The following LHX6 variants were observed in gnomAD, a reference collection of about 807,000 sequenced individuals.
LHX6 encodes LIM/homeobox protein Lhx6.
A neutral mutation model predicts 47.1 loss-of-function variants in LHX6; 15 were observed. The observed-to-expected ratio is 0.32, with a 90% CI of 0.21 to 0.49. The LOEUF is 0.49. Ranked by LOEUF, LHX6 falls within the 20% of genes least tolerant of loss-of-function variation. The pLI is 0.99. For synonymous variants in LHX6, 242 were observed against 233.5 expected, an observed-to-expected ratio of 1.04 and a Z score of -0.33; for missense variants, 404 against 539.6, an observed-to-expected ratio of 0.75 and a Z score of 2.49.
intron 4 of LHX6, chr9:122,221,610 C>G: frequency 1.0e-6 from 1 of 985,578 alleles, no homozygotes; most frequent in Non-Finnish European, 1.2e-6. Context: ...CCTTTACTCC[C>G]CACTCCCATT....
chr9:122,218,208 A>G (rs967736642), intron 4 of LHX6, among the ~76,000 whole-genome samples: 17 of 152,076 alleles, frequency 1.1e-4, no homozygotes, highest in Non-Finnish European at 2.4e-4. Flanking sequence ...ACTCCATCCC[A>G]GAAGTCAGCC....
Position 122,204,527 on chromosome 9 carries a change from T to C in LHX6, c.*233A>G, listed in dbSNP as rs1830096108. Reference sequence around the variant, plus strand: ...GCTGTTTCCACCCTGATTCCAGATTTCAGGGAGTTCTGCCTTCCAAGAGGA... The same window carrying C: ...GCTGTTTCCACCCTGATTCCAGATTCCAGGGAGTTCTGCCTTCCAAGAGGA... On this transcript the variant is annotated 3_prime_UTR_variant, in exon 10 of 10. Transcript: ENST00000394319. 2.3e-6 allele frequency: 1 copy of C among 426,908 alleles called. No individual in the cohort carries two copies. Among genetic ancestry groups the C allele is most frequent in the East Asian group, 3.5e-5 (1 of 28,364 alleles). 26.4% of individuals were successfully genotyped at this position (426,908 alleles called of 1,614,324 possible).
intron 1 of LHX6, 24 bp downstream of exon 1, chr9:122,228,633 T>C: frequency 7.7e-7 from 1 of 1,301,586 alleles, no homozygotes. Context: ...CCCGGGCCGC[T>C]CACCCAGTCG....
Position 122,217,376 on chromosome 9 carries a change from A to T in LHX6, c.462-88T>A. ...ACCACCCAATGGCCCGCCAGCCCCCAGGCTCCTGGCCTCTAAGTCTTCAAC... is the reference window on the plus strand; with the variant it reads ...ACCACCCAATGGCCCGCCAGCCCCCTGGCTCCTGGCCTCTAAGTCTTCAAC... On this transcript the variant is annotated intron_variant, in intron 4 of 9. Coordinates refer to ENST00000394319, the MANE Select transcript of LHX6 (RefSeq NM_014368.5). The surrounding 1 kb of genome is among the most constrained non-coding windows in gnomAD (Gnocchi z 4.9). 1 of 1,103,920 alleles carries T rather than the reference A, an allele frequency of 9.1e-7. No homozygotes were observed. The highest frequency in any genetic ancestry group is 1.3e-6 in the Non-Finnish European group (1 of 770,548). The allele number at this position is 1,103,920 out of a possible 1,614,324, so 68.4% of individuals were successfully genotyped here.
In LHX6 at chr9:122,214,310, C is replaced by G. The variant is rs987573403; in HGVS notation, c.756G>C (p.Arg252=). The G allele has an allele frequency of 6.3e-7, 1 of 1,599,768 alleles. No individual in the cohort carries two copies. The highest frequency in any genetic ancestry group is 8.5e-7 in the Non-Finnish European group (1 of 1,175,594). The change falls in exon 6 of 10, where the codon CGG becomes CGC. Residue 252 remains arginine (R), a synonymous_variant. Transcript: ENST00000394319. The surrounding 1 kb of genome is among the most constrained non-coding windows in gnomAD (Gnocchi z 4.6). ...GCAGCTGTTCCGCGGTGAAGGACGTCCGCGCGCGCTTGGCCGGCTTGGGTT... is the reference window on the plus strand; with the variant it reads ...GCAGCTGTTCCGCGGTGAAGGACGTGCGCGCGCGCTTGGCCGGCTTGGGTT... ...DSQPKPAKRA[R]TSFTAEQLQV...
chr9:122,205,098 C>T (rs541917446), intron 9 of LHX6, among the ~76,000 whole-genome samples: 2 of 152,356 alleles, frequency 1.3e-5, no homozygotes, highest in African/African-American at 4.8e-5. Flanking sequence ...TCACGGAAGC[C>T]GCACCATAGC....
chr9:122,227,410 A>G lies in LHX6; in HGVS notation c.155T>C (p.Met52Thr), dbSNP rs924850315. The G allele has an allele frequency of 7.4e-7, 1 of 1,347,554 alleles. No homozygotes were observed. Among genetic ancestry groups the G allele is most frequent in the East Asian group, 4.6e-5 (1 of 21,626 alleles). The allele number at this position is 1,347,554 out of a possible 1,614,324, so 83.5% of individuals were successfully genotyped here. ...RCLEGTAPPA[M>T]AQSDAEALAG... ...GCAGGCAGGGCCAAACGGACTCACC[A>G]TGGCGGGCGGCGCGGTCCCTTCAAG... Residue 52 changes from methionine to threonine, a missense_variant and splice_region_variant, in exon 2 of 10, where the codon ATG becomes ACG. Physicochemically the swap from Met to Thr is moderately conservative, Grantham distance 81 (BLOSUM62 -1). This residue lies in a region of LHX6 where 144 missense variants were observed against 128.7 expected (regional missense o/e 1.12). Coordinates refer to ENST00000394319, the MANE Select transcript of LHX6 (RefSeq NM_014368.5).
Position 122,214,033 on chromosome 9 carries a change from C to G in LHX6, c.820G>C (p.Asp274His). The G allele has an allele frequency of 6.2e-7, 1 of 1,601,586 alleles. No individual in the cohort carries two copies. The highest frequency in any genetic ancestry group is 8.5e-7 in the Non-Finnish European group (1 of 1,179,142). Residue 274 changes from aspartate to histidine, a missense_variant, in exon 7 of 10, where the codon GAC becomes CAC. By Grantham distance (81) the Asp-to-His change is moderately conservative. This residue lies in a region of LHX6 where 23 missense variants were observed against 28.6 expected (regional missense o/e 0.80). Transcript: ENST00000394319. This position sits in a 1 kb window ranked among gnomAD's most constrained non-coding sequence, Gnocchi z 4.6. ...GCCAGCTTCTGCAGCGTCTGAGCGTCGGGGTTGTTGTCCTGCGCGAACTGC... is the reference window on the plus strand; with the variant it reads ...GCCAGCTTCTGCAGCGTCTGAGCGTGGGGGTTGTTGTCCTGCGCGAACTGC... ...QAQFAQDNNP[D>H]AQTLQKLADM...
At chr9:122,227,876 T>A (rs1831175998) in intron 1 of LHX6, 2 of 348,000 alleles carry the variant, frequency 5.7e-6, no homozygotes, top group South Asian at 8.2e-5. Flanking sequence ...ATCAGTGAGA[T>A]CCATCAGGCC....
rs1012286560 is a variant in LHX6 at position 122,214,635 on chromosome 9, T to G, written c.683-252A>C. Among the ~76,000 whole-genome samples, 2 of 152,108 alleles carry G rather than the reference T, an allele frequency of 1.3e-5. No individual in the cohort carries two copies. The highest frequency in any genetic ancestry group is 4.2e-4 in the South Asian group (2 of 4,818). The stretch of plus-strand genomic sequence containing the variant: ...CTAAGGAGAGGTGGCGTTACCTCAT[T>G]ATACATGGGAGGAAACTGAGGCTCA... On this transcript the variant is annotated intron_variant, in intron 5 of 9. Transcript: ENST00000394319. This position sits in a 1 kb window ranked among gnomAD's most constrained non-coding sequence, Gnocchi z 4.6.
chr9:122,224,964 C>T (rs1302500091), intron 4 of LHX6, among the ~76,000 whole-genome samples: 2 of 152,198 alleles, frequency 1.3e-5, no homozygotes, highest in Non-Finnish European at 2.9e-5. Flanking sequence ...GCTGCACACT[C>T]TTCTACATCC....
At position 122,214,576 on chromosome 9, in the gene LHX6, C is replaced by T. The variant is rs1459152938; in HGVS notation, c.683-193G>A. 1.2e-5 allele frequency: 4 copies of T among 323,972 alleles called. No individual in the cohort carries two copies. The highest frequency in any genetic ancestry group is 1.8e-5 in the Non-Finnish European group (4 of 225,376). The allele number at this position is 323,972 out of a possible 1,614,324, so 20.1% of individuals were successfully genotyped here. On this transcript the variant is annotated intron_variant, in intron 5 of 9. Coordinates refer to ENST00000394319, the MANE Select transcript of LHX6 (RefSeq NM_014368.5). This position sits in a 1 kb window ranked among gnomAD's most constrained non-coding sequence, Gnocchi z 4.6. ...TTCTGAGCGTCCGCTTAGTACTGGA[C>T]ACTTCTTACACGACTGGACCACGTC...
chr9:122,213,093 G>C lies in LHX6; in HGVS notation c.1054+513C>G, dbSNP rs76976529. On this transcript the variant is annotated intron_variant, in intron 8 of 9. Coordinates refer to ENST00000394319, the MANE Select transcript of LHX6 (RefSeq NM_014368.5). This position sits in a 1 kb window ranked among gnomAD's most constrained non-coding sequence, Gnocchi z 5.5. ...CTGGGCCAGGGCCTGCGTGCATTCC[G>C]TTCCCCCACTCCAGGTACCTCACTA... Among the ~76,000 whole-genome samples, 5,160 of 151,896 alleles carry C rather than the reference G, an allele frequency of 0.034. 266 individuals carry two copies. Among genetic ancestry groups the C allele is most frequent in the African/African-American group, 0.12 (4,831 of 41,388 alleles).
In LHX6 at chr9:122,214,188, G is replaced by T; in HGVS notation, c.783+95C>A. 9 of 711,574 alleles carry T rather than the reference G, an allele frequency of 1.3e-5. No individual in the cohort carries two copies. The South Asian group carries it at 1.4e-4, about 11-fold the overall frequency. 44.1% of individuals were successfully genotyped at this position (711,574 alleles called of 1,614,324 possible). On this transcript the variant is annotated intron_variant, in intron 6 of 9. Transcript: ENST00000394319. This position sits in a 1 kb window ranked among gnomAD's most constrained non-coding sequence, Gnocchi z 4.6. ...CAGCTGCGGCCCCGCCCCGCCACCC[G>T]GGTCCGGCCCGAGGGGCGGAGCCAG...
intron 4 of LHX6, among the ~76,000 whole-genome samples, chr9:122,224,888 A>G (rs979619718): frequency 6.6e-6 from 1 of 152,094 alleles, no homozygotes; most frequent in Non-Finnish European, 1.5e-5. Context: ...GACAATACAG[A>G]CACACAGGCA....
chr9:122,228,880 T>A lies in LHX6; in HGVS notation c.-140A>T. On this transcript the variant is annotated 5_prime_UTR_variant, in exon 1 of 10. Transcript: ENST00000394319. ...CGGCCCCGCCGCCCCGGGCCCGGCC[T>A]CAGCCCCCGCCCCCGGCCCGCGCGC... The A allele has an allele frequency of 1.3e-5, 5 of 373,684 alleles. No homozygotes were observed. The highest frequency in any genetic ancestry group is 1.6e-5 in the Non-Finnish European group (4 of 246,272). 23.1% of individuals were successfully genotyped at this position (373,684 alleles called of 1,614,324 possible). A position where few individuals can be genotyped will look rare whatever the true frequency, so the allele number is the denominator to read the frequency against.
rs916257259 is a variant in LHX6 at position 122,214,791 on chromosome 9, C to G, written c.683-408G>C. 2.0e-5 allele frequency among the ~76,000 whole-genome samples: 3 copies of G among 152,026 alleles called. No individual in the cohort carries two copies. The highest frequency in any genetic ancestry group is 7.2e-5 in the African/African-American group (3 of 41,382). ...AAGGCTAGAGGAGATAGGAAGCAAG[C>G]AAGTAACGGAACTATGCTCCTAATT... On this transcript the variant is annotated intron_variant, in intron 5 of 9. Coordinates refer to ENST00000394319, the MANE Select transcript of LHX6 (RefSeq NM_014368.5). This position sits in a 1 kb window ranked among gnomAD's most constrained non-coding sequence, Gnocchi z 4.6.
Position 122,217,004 on chromosome 9 carries a change from G to T in LHX6, c.682+64C>A, listed in dbSNP as rs2118868297. ...GAGGAGTGTGGGTGGTTCCTGGGGT[G>T]CTGGGGTGGGGTGGGGTGGGAAAGG... On this transcript the variant is annotated intron_variant, in intron 5 of 9. Transcript: ENST00000394319. The surrounding 1 kb of genome is among the most constrained non-coding windows in gnomAD (Gnocchi z 4.9). 2 of 1,395,914 alleles carry T rather than the reference G, an allele frequency of 1.4e-6. No individual in the cohort carries two copies. The highest frequency in any genetic ancestry group is 2.3e-5 in the East Asian group (1 of 43,130). 86.5% of individuals were successfully genotyped at this position (1,395,914 alleles called of 1,614,324 possible).
chr9:122,228,315 C>G (rs1831195245), intron 1 of LHX6: 6 of 1,534,630 alleles, frequency 3.9e-6, no homozygotes, highest in Middle Eastern at 1.7e-4. Context: ...ACCGGCCCCG[C>G]GTCGGGATTC....
Sources: allele counts gnomAD v4.1 joint callset (sites outside exome capture counted in the v4.1 genomes callset), GRCh38; gene constraint gnomAD v4.1.1; regional missense constraint gnomAD v4.1.1; non-coding constraint Gnocchi (gnomAD v3.1); transcripts MANE v1.5; gene names NCBI Gene and HGNC (gene_info 2026-07-23, HGNC 2026-07-21).